The following KY variants were observed in gnomAD, a reference collection of about 807,000 sequenced individuals.
The protein encoded by KY is kyphoscoliosis peptidase.
A neutral mutation model predicts 76.1 loss-of-function variants in KY; 43 were observed. The ratio of observed to expected loss-of-function variants is 0.57; its 90% confidence interval spans 0.44 to 0.73. The LOEUF (loss-of-function observed/expected upper bound fraction) is 0.73. KY is among the 30% of genes least tolerant of loss of function. KY has a pLI of 0.00. For synonymous variants in KY, 277 were observed against 326.2 expected (o/e 0.85, Z 1.63); for missense variants, 722 against 828.9 (o/e 0.87, Z 1.58).
chr3:134,610,420 G>A (rs939666496), intron 8 of KY, 37 bp from the exon 9 acceptor site: 15 of 1,567,268 alleles, frequency 9.6e-6, no homozygotes, highest in African/African-American at 8.1e-5. Flanking sequence ...GGGGGATCCC[G>A]CTGTGGCTTG....
At chr3:134,634,184 C>T (rs550884755) in intron 3 of KY, among the ~76,000 whole-genome samples, 2 of 152,258 alleles carry the variant, frequency 1.3e-5, no homozygotes, top group African/African-American at 4.8e-5. Flanking sequence ...GGGCAATTCT[C>T]TCAAAATTGA....
chr3:134,619,471 G>C (rs898242267), intron 7 of KY, among the ~76,000 whole-genome samples: 2 of 152,340 alleles, frequency 1.3e-5, no homozygotes, highest in East Asian at 3.9e-4. Flanking sequence ...TGGCAGAGGG[G>C]GCCACCTGGC....
intron 3 of KY, among the ~76,000 whole-genome samples, chr3:134,639,596 GA>G (rs1378673293): frequency 6.6e-6 from 1 of 152,140 alleles, no homozygotes; most frequent in Non-Finnish European, 1.5e-5. Context: ...TTTGCATGGG[GA>G]TAAGGGCTGA....
At position 134,643,391 on chromosome 3, in the gene KY, G is replaced by C. The variant is rs766091865; in HGVS notation, c.200-13C>G. On this transcript the variant is annotated splice_polypyrimidine_tract_variant and intron_variant, in intron 2 of 10. Coordinates refer to ENST00000423778, the MANE Select transcript of KY (RefSeq NM_178554.6). ...TCCACCAAGTTTTCTATTTAAGGAA[G>C]ACAGAGAGGCCTGCAGTGACCACTG... 220 of 1,612,640 alleles carry C rather than the reference G, an allele frequency of 1.4e-4. No individual in the cohort carries two copies. The Middle Eastern group carries it at 1.6e-3, about 12-fold the overall frequency.
chr3:134,604,536 T>C (rs1959115272), intron 10 of KY, 62 bp from the exon 11 acceptor site: 4 of 1,413,172 alleles, frequency 2.8e-6, no homozygotes, highest in East Asian at 4.6e-5. Context: ...TGCTGGTAAA[T>C]GTTTAACAAC....
rs766345293 is a variant in KY at position 134,604,354 on chromosome 3, A to G, written c.1211T>C (p.Val404Ala). The G allele has an allele frequency of 6.2e-7, 1 of 1,613,610 alleles. No individual in the cohort carries two copies. Among genetic ancestry groups the G allele is most frequent in the Non-Finnish European group, 8.5e-7 (1 of 1,179,674 alleles). ...SLRKNGMKLE[V>A]YPPTMGTHKL... ...GTGAGTGCCCATGGTTGGAGGGTACACCTCCAACTTCATCCCATTCTTCCT... is the reference window on the plus strand; with the variant it reads ...GTGAGTGCCCATGGTTGGAGGGTACGCCTCCAACTTCATCCCATTCTTCCT... The change falls in exon 11 of 11, where the codon GTG becomes GCG. Residue 404 changes from valine to alanine, a missense_variant. Around this residue, in one of 2 missense-constraint regions of KY, gnomAD observed 552 missense variants for 680.9 expected, o/e 0.81. Coordinates refer to ENST00000423778, the MANE Select transcript of KY (RefSeq NM_178554.6).
At chr3:134,612,606 G>A (rs1960685479) in intron 8 of KY, among the ~76,000 whole-genome samples, 1 of 152,152 alleles carries the variant, frequency 6.6e-6, no homozygotes, top group African/African-American at 2.4e-5. Context: ...ACATTCTATA[G>A]GAGGTGGGGC....
intron 8 of KY, 84 bp from the exon 9 acceptor site, chr3:134,610,467 G>C (rs942432037): frequency 2.8e-5 from 34 of 1,197,998 alleles, no homozygotes; most frequent in Non-Finnish European, 3.9e-5. Context: ...TTTCAGGCAT[G>C]TTTGCTGCCC....
Position 134,603,534 on chromosome 3 carries a change from G to T in KY, c.*45C>A. 1 of 1,518,980 alleles carries T rather than the reference G, an allele frequency of 6.6e-7. No homozygotes were observed. The highest frequency in any genetic ancestry group is 8.9e-7 in the Non-Finnish European group (1 of 1,127,254). The allele number at this position is 1,518,980 out of a possible 1,614,324, so 94.1% of individuals were successfully genotyped here. A position where few individuals can be genotyped will look rare whatever the true frequency, so the allele number is the denominator to read the frequency against. On this transcript the variant is annotated 3_prime_UTR_variant, in exon 11 of 11. Transcript: ENST00000423778. ...ACTTCCTTCGAGCCCTCCCTGGGGA[G>T]GTCTGGCCTTGGCCCTTTGGGAGGG...
intron 2 of KY, among the ~76,000 whole-genome samples, chr3:134,646,496 T>C (rs921243086): frequency 1.5e-4 from 23 of 152,224 alleles, no homozygotes; most frequent in Admixed American, 5.2e-4. Flanking sequence ...CCCTGTTTCA[T>C]TTCCAATATT....
chr3:134,604,916 G>T (rs1959151897), intron 10 of KY, among the ~76,000 whole-genome samples: 1 of 152,168 alleles, frequency 6.6e-6, no homozygotes, highest in East Asian at 1.9e-4. Context: ...TGTCAATGCT[G>T]TCATGTCAAC....
intron 6 of KY, among the ~76,000 whole-genome samples, chr3:134,624,219 C>T (rs1489805762): frequency 6.6e-6 from 1 of 152,192 alleles, no homozygotes; most frequent in African/African-American, 2.4e-5. Flanking sequence ...TAGAGTTCTT[C>T]CCCTCTGCCC....
At chr3:134,643,234 C>G in intron 3 of KY, 82 bp downstream of exon 3, 1 of 1,374,908 alleles carries the variant, frequency 7.3e-7, no homozygotes, top group Admixed American at 1.8e-5. Flanking sequence ...CTGAGCTCCA[C>G]ATCCTGGGCT....
Position 134,604,042 on chromosome 3 carries a change from T to G in KY, c.1523A>C (p.Gln508Pro), listed in dbSNP as rs1325375772. The G allele has an allele frequency of 6.2e-7, 1 of 1,614,000 alleles. No individual in the cohort carries two copies. Among genetic ancestry groups the G allele is most frequent in the Non-Finnish European group, 8.5e-7 (1 of 1,179,866 alleles). ...GDDGPITEET[Q>P]RRYIFQLHRE... is the part of the protein sequence containing the mutation. Reference sequence around the variant, plus strand: ...GTGCAGCTGGAAGATGTAGCGCCGCTGTGTCTCCTCAGTGATGGGGCCATC... The same window carrying G: ...GTGCAGCTGGAAGATGTAGCGCCGCGGTGTCTCCTCAGTGATGGGGCCATC... The change falls in exon 11 of 11, where the codon CAG becomes CCG. Residue 508 changes from glutamine to proline, a missense_variant. By Grantham distance (76) the Gln-to-Pro change is moderately conservative. Coordinates refer to ENST00000423778, the MANE Select transcript of KY (RefSeq NM_178554.6).
chr3:134,647,485 A>G lies in KY; in HGVS notation c.149T>C (p.Val50Ala), dbSNP rs750631474. The change falls in exon 2 of 11, where the codon GTT (valine) becomes GCT (alanine). Residue 50 changes from valine (V) to alanine (A), a missense_variant. Around this residue, in one of 2 missense-constraint regions of KY, gnomAD observed 170 missense variants for 148.1 expected, o/e 1.15. Coordinates refer to ENST00000423778, the MANE Select transcript of KY (RefSeq NM_178554.6). ...CTGCCATCTTCGGACTCCATTTCCA[A>G]CACCTTGGAATCCTGCAAAATAACA... ...LLQRGGGFQG[V>A]GNGVRRWQKL... is the part of the protein sequence containing the mutation. The G allele has an allele frequency of 6.2e-7, 1 of 1,610,310 alleles. No homozygotes were observed. The highest frequency in any genetic ancestry group is 8.5e-7 in the Non-Finnish European group (1 of 1,177,142).
chr3:134,626,540 G>T (rs1963474407), intron 5 of KY, among the ~76,000 whole-genome samples: 1 of 152,208 alleles, frequency 6.6e-6, no homozygotes, highest in South Asian at 2.1e-4. Context: ...TCCCTGCCTG[G>T]TGGGGGACAC....
chr3:134,638,942 G>A (rs1480572500), intron 3 of KY, among the ~76,000 whole-genome samples: 3 of 152,066 alleles, frequency 2.0e-5, no homozygotes, highest in Non-Finnish European at 2.9e-5. Flanking sequence ...ATGCACACGG[G>A]TGTATATGTG....
At chr3:134,644,059 T>C (rs1241941801) in intron 2 of KY, among the ~76,000 whole-genome samples, 1 of 152,114 alleles carries the variant, frequency 6.6e-6, no homozygotes, top group Non-Finnish European at 1.5e-5. Context: ...TCTCCTGACC[T>C]TGTGATTCAC....
chr3:134,630,024 G>A (rs1964010432), intron 3 of KY, among the ~76,000 whole-genome samples: 1 of 152,200 alleles, frequency 6.6e-6, no homozygotes, highest in Admixed American at 6.5e-5. Flanking sequence ...AATTTTTAAA[G>A]CATTAGCAAA....
Sources: allele counts gnomAD v4.1 joint callset (sites outside exome capture counted in the v4.1 genomes callset), GRCh38; gene constraint gnomAD v4.1.1; regional missense constraint gnomAD v4.1.1; transcripts MANE v1.5; gene names NCBI Gene and HGNC (gene_info 2026-07-23, HGNC 2026-07-21).